The following ZNF333 variants were observed in gnomAD, a reference collection of about 807,000 sequenced individuals.
ZNF333 encodes zinc finger protein 333.
A neutral mutation model predicts 76.1 loss-of-function variants in ZNF333; 61 were observed. The ratio of observed to expected loss-of-function variants is 0.80; its 90% confidence interval spans 0.65 to 0.99. The LOEUF (loss-of-function observed/expected upper bound fraction) is 0.99. ZNF333 is among the 50% of genes least tolerant of loss of function. The pLI, the probability that ZNF333 is intolerant of heterozygous loss-of-function variation, is 0.00. For synonymous variants in ZNF333, 284 were observed against 305.0 expected, an observed-to-expected ratio of 0.93 and a Z score of 0.72; for missense variants, 717 against 822.4, an observed-to-expected ratio of 0.87 and a Z score of 1.57.
At chr19:14,704,841 G>T (rs1047319861) in intron 5 of ZNF333, among the ~76,000 whole-genome samples, 1 of 152,200 alleles carries the variant, frequency 6.6e-6, no homozygotes, top group African/African-American at 2.4e-5. Flanking sequence ...ATGGGGCTTC[G>T]CCATGTTGGC....
At chr19:14,717,530 C>T (rs906543725) in intron 10 of ZNF333, 127 bp from the exon 11 acceptor site, 1 of 736,030 alleles carries the variant, frequency 1.4e-6, no homozygotes, top group Non-Finnish European at 2.3e-6. Flanking sequence ...ATTGCAATTT[C>T]TTCCCGTACA....
intron 11 of ZNF333, among the ~76,000 whole-genome samples, chr19:14,727,109 G>C (rs1038181632): frequency 7.5e-6 from 1 of 132,512 alleles, no homozygotes; most frequent in Non-Finnish European, 1.5e-5. Context: ...CTCACTACAA[G>C]CTCCGCCTCC....
At chr19:14,722,450 T>A (rs1233415709), downstream of ZNF333, among the ~76,000 whole-genome samples, 1 of 152,262 alleles carries the variant, frequency 6.6e-6, no homozygotes, top group Non-Finnish European at 1.5e-5. Context: ...TGACCATTTT[T>A]AAATTAGTTT....
At chr19:14,690,250 T>C (rs4808306) in intron 1 of ZNF333, 100 bp downstream of exon 1, 66,020 of 151,012 alleles carry the variant, frequency 0.44, 15,774 homozygotes, top group East Asian at 0.71. Context: ...GTGTGAGGGG[T>C]TTCCTCCCTG....
At chr19:14,726,116 C>T (rs1213769120), downstream of ZNF333, among the ~76,000 whole-genome samples, 2 of 152,186 alleles carry the variant, frequency 1.3e-5, no homozygotes, top group Non-Finnish European at 2.9e-5. Context: ...CTTAATACTA[C>T]CTGGAACCAC....
At chr19:14,697,922 C>G (rs1599695129) in intron 4 of ZNF333, among the ~76,000 whole-genome samples, 1 of 152,136 alleles carries the variant, frequency 6.6e-6, no homozygotes, top group South Asian at 2.1e-4. Flanking sequence ...CTTTCTTACT[C>G]TTTTTTCTAA....
At position 14,697,708 on chromosome 19, in the gene ZNF333, T is replaced by C. The variant is rs375294544; in HGVS notation, c.224-1491T>C. Among the ~76,000 whole-genome samples the C allele has an allele frequency of 1.8e-4, 27 of 152,274 alleles. No individual in the cohort carries two copies. The East Asian group carries it at 4.6e-3, about 26-fold the overall frequency. ...CATGTACTTAATTCTCTTAGGTATA[T>C]ACTGAGGAGCAGAATTGCTGGCTCA... is the stretch of plus-strand genomic sequence containing the variant. On this transcript the variant is annotated intron_variant, in intron 4 of 11. Coordinates refer to ENST00000292530, the MANE Select transcript of ZNF333 (RefSeq NM_032433.4).
chr19:14,695,519 C>T (rs1213553564), intron 3 of ZNF333, 47 bp from the exon 4 acceptor site: 10 of 1,569,250 alleles, frequency 6.4e-6, no homozygotes, highest in African/African-American at 4.0e-5. Flanking sequence ...TTGTTTTCCC[C>T]TGCAAGCCCT....
At chr19:14,710,087 G>A (rs1298034485) in intron 7 of ZNF333, among the ~76,000 whole-genome samples, 6 of 152,204 alleles carry the variant, frequency 3.9e-5, no homozygotes, top group Non-Finnish European at 7.3e-5. Flanking sequence ...AAGGCAGCAG[G>A]GAGAAGTGGA....
chr19:14,732,388 C>T (rs915904626), exon 12 of ZNF333: 1 of 151,992 alleles, frequency 6.6e-6, no homozygotes, highest in Non-Finnish European at 1.5e-5. Flanking sequence ...ACTGGGAAAC[C>T]AAAAAATGTG....
intron 11 of ZNF333, among the ~76,000 whole-genome samples, chr19:14,729,209 A>G (rs550151803): frequency 6.6e-6 from 1 of 152,326 alleles, no homozygotes; most frequent in African/African-American, 2.4e-5. Flanking sequence ...ATTGCATCCT[A>G]CAGTCAGGGT....
At chr19:14,722,340 C>A (rs553134704), downstream of ZNF333, among the ~76,000 whole-genome samples, 5 of 152,308 alleles carry the variant, frequency 3.3e-5, no homozygotes, top group South Asian at 1.0e-3. Context: ...GGAGTGTTGA[C>A]AAACATGACA....
intron 7 of ZNF333, among the ~76,000 whole-genome samples, chr19:14,707,697 G>A (rs866941795): frequency 1.3e-3 from 195 of 150,834 alleles, no homozygotes; most frequent in African/African-American, 4.2e-3. Context: ...GATTACAGGC[G>A]CCCACCACCA....
chr19:14,699,585 C>T (rs1376261842), intron 5 of ZNF333, among the ~76,000 whole-genome samples: 3 of 151,884 alleles, frequency 2.0e-5, no homozygotes, highest in Admixed American at 1.3e-4. Context: ...TTCAGCCTCC[C>T]GAGTAGTTGG....
intron 7 of ZNF333, chr19:14,708,610 C>A: frequency 2.7e-6 from 1 of 369,434 alleles, no homozygotes; most frequent in East Asian, 3.9e-5. Context: ...TGTTCACTCT[C>A]AGCTGTGGGC....
At chr19:14,702,926 C>T (rs920671359) in intron 5 of ZNF333, among the ~76,000 whole-genome samples, 8 of 152,066 alleles carry the variant, frequency 5.3e-5, no homozygotes, top group Non-Finnish European at 8.8e-5. Flanking sequence ...AGATCGTGGC[C>T]GGGCGTGGTG....
intron 7 of ZNF333, chr19:14,708,397 C>A (rs993984633): frequency 5.0e-6 from 2 of 401,286 alleles, no homozygotes; most frequent in East Asian, 3.6e-5. Context: ...AAAACACCGA[C>A]CCCTCCTCCG....
intron 5 of ZNF333, chr19:14,700,332 C>G (rs1438328862): frequency 6.6e-6 from 1 of 152,154 alleles, no homozygotes; most frequent in Non-Finnish European, 1.5e-5. Context: ...TTACTCACCT[C>G]TTGTCAGGAG....
At chr19:14,715,171 G>A (rs375605549) in intron 7 of ZNF333, 60 of 539,982 alleles carry the variant, frequency 1.1e-4, no homozygotes, top group African/African-American at 9.7e-4. Context: ...GTGTATATGT[G>A]TGCATGTCTG....
Sources: gnomAD v4.1 joint callset for allele counts (sites outside exome capture counted in the v4.1 genomes callset) on GRCh38, gnomAD v4.1.1 for gene constraint, MANE v1.5 for transcripts, NCBI Gene and HGNC (gene_info 2026-07-23, HGNC 2026-07-21) for gene names.